NEDD4: variants seen among roughly 807,000 people sequenced by gnomAD.
NEDD4 encodes E3 ubiquitin-protein ligase NEDD4.
In NEDD4, 99 loss-of-function variants were observed where a neutral mutation model predicts 144.9. The ratio of observed to expected loss-of-function variants is 0.68; its 90% CI spans 0.58 to 0.81. The LOEUF (loss-of-function observed/expected upper bound fraction) is 0.81, where lower values mean the gene tolerates loss of function less well. NEDD4 is among the 30% of genes least tolerant of loss of function. NEDD4 has a pLI of 0.00. For missense variants in NEDD4, 985 were observed against 1,065.9 expected (o/e 0.92, Z 1.06); for synonymous variants, 318 against 350.6 (o/e 0.91, Z 1.04).
intron 2 of NEDD4, among the ~76,000 whole-genome samples, chr15:55,956,766 A>C (rs2037345192): frequency 6.6e-6 from 1 of 152,030 alleles, no homozygotes; most frequent in Non-Finnish European, 1.5e-5. Flanking sequence ...TCTTTTTTGA[A>C]ATTGTTTTGG....
At chr15:55,883,281 C>A (rs112100247) in intron 5 of NEDD4, among the ~76,000 whole-genome samples, 1 of 152,066 alleles carries the variant, frequency 6.6e-6, no homozygotes, top group Non-Finnish European at 1.5e-5. Context: ...GCAGGAGTGG[C>A]CACGGAGAGA....
At chr15:55,880,008 G>A (rs1482749917) in intron 5 of NEDD4, among the ~76,000 whole-genome samples, 1 of 152,156 alleles carries the variant, frequency 6.6e-6, no homozygotes, top group African/African-American at 2.4e-5. Context: ...TAAAAGGGCT[G>A]GCTGGGCATG....
intron 1 of NEDD4, among the ~76,000 whole-genome samples, chr15:55,983,507 A>G (rs202028119): frequency 7.5e-6 from 1 of 133,346 alleles, no homozygotes; most frequent in African/African-American, 2.9e-5. Context: ...ATGGGGTTCT[A>G]TTGCCCCACT....
chr15:55,865,014 A>AT (rs1395161000), intron 8 of NEDD4, among the ~76,000 whole-genome samples: 12 of 151,844 alleles, frequency 7.9e-5, no homozygotes, highest in African/African-American at 2.9e-4. Flanking sequence ...CCTGGCCAAC[A>AT]TGGTGAAACC....
chr15:55,884,256 C>T (rs891271986), intron 5 of NEDD4, among the ~76,000 whole-genome samples: 6 of 152,168 alleles, frequency 3.9e-5, no homozygotes, highest in Non-Finnish European at 8.8e-5. Context: ...CATATGGCTG[C>T]AGCAACCAAA....
rs2033421209 is a variant in NEDD4, at chr15:55,840,002, ATATATATATATATATAT to A, written c.2031+428_2031+444del. 4.5e-3 allele frequency among the ~76,000 whole-genome samples: 93 copies of A among 20,792 alleles called. 2 individuals carry two copies. Among genetic ancestry groups the A allele is most frequent in the African/African-American group, 0.012 (72 of 6,026 alleles). 13.6% of individuals were successfully genotyped at this position (20,792 alleles called of 152,430 possible). A position where few individuals can be genotyped will look rare whatever the true frequency, so the allele number is the denominator to read the frequency against. ...AAAAAAAAAAAAAAAAAAAAAAAATATATATATATATATATATATATATATATATATATATATATAAC... is the reference window on the plus strand; with the variant it reads ...AAAAAAAAAAAAAAAAAAAAAAAATAATATATATATATATATATATATAAC... On this transcript the variant is annotated intron_variant, in intron 21 of 28. Coordinates refer to ENST00000435532, the MANE Select transcript of NEDD4 (RefSeq NM_006154.4).
At chr15:55,976,627 ATTTTTT>A (rs1229977936) in intron 1 of NEDD4, among the ~76,000 whole-genome samples, 8 of 120,872 alleles carry the variant, frequency 6.6e-5, no homozygotes, top group African/African-American at 2.5e-4. Flanking sequence ...CTGGGCAAAA[ATTTTTT>A]TTTTTTTTTT....
intron 4 of NEDD4, among the ~76,000 whole-genome samples, chr15:55,949,695 G>A (rs369110317): frequency 8.6e-5 from 13 of 152,016 alleles, no homozygotes; most frequent in Non-Finnish European, 4.4e-5. Flanking sequence ...GCAAACTGTC[G>A]CAGGGACAAA....
At chr15:55,853,761 G>C (rs1408459909) in intron 12 of NEDD4, among the ~76,000 whole-genome samples, 3 of 152,294 alleles carry the variant, frequency 2.0e-5, no homozygotes, top group Admixed American at 2.0e-4. Flanking sequence ...GGCTGAGGTG[G>C]GCGGATCACC....
At chr15:55,834,411 G>C (rs1416105332) in intron 24 of NEDD4, 125 bp from the exon 25 acceptor site, 4 of 629,676 alleles carry the variant, frequency 6.4e-6, no homozygotes, top group South Asian at 1.9e-5. Context: ...ACAATCACGG[G>C]CTCTTCACTG....
intron 5 of NEDD4, among the ~76,000 whole-genome samples, chr15:55,897,914 C>A (rs2035789495): frequency 6.6e-6 from 1 of 152,188 alleles, no homozygotes; most frequent in Non-Finnish European, 1.5e-5. Context: ...GAGCCACACT[C>A]CCATCCTTGG....
At chr15:55,850,992 A>G (rs569337442) in intron 13 of NEDD4, among the ~76,000 whole-genome samples, 1 of 152,306 alleles carries the variant, frequency 6.6e-6, no homozygotes, top group South Asian at 2.1e-4. Context: ...AGTAATTTAT[A>G]ATTTTTCAAC....
At chr15:55,891,588 T>C (rs2035573879) in intron 5 of NEDD4, among the ~76,000 whole-genome samples, 1 of 152,206 alleles carries the variant, frequency 6.6e-6, no homozygotes, top group African/African-American at 2.4e-5. Context: ...TGGTATAATA[T>C]AAGTAATTTA....
At chr15:55,892,302 AAATAAATAAATAAATAAAT>A (rs2035594553) in intron 5 of NEDD4, among the ~76,000 whole-genome samples, 1 of 137,574 alleles carries the variant, frequency 7.3e-6, no homozygotes, top group African/African-American at 2.6e-5. Flanking sequence ...ATAAATAAAT[AAATAAATAAATAAATAAAT>A]AATAAATATG....
intron 2 of NEDD4, among the ~76,000 whole-genome samples, chr15:55,953,435 T>TA (rs761892891): frequency 7.9e-5 from 12 of 151,874 alleles, no homozygotes; most frequent in African/African-American, 1.2e-4. Flanking sequence ...CTTCTTTTTT[T>TA]ATCTTCTTTT....
intron 1 of NEDD4, among the ~76,000 whole-genome samples, chr15:55,988,512 A>T (rs2037935184): frequency 6.7e-6 from 1 of 150,116 alleles, no homozygotes; most frequent in Admixed American, 6.6e-5. Flanking sequence ...AAAAAGAAAA[A>T]CTGAGGAAAT....
intron 2 of NEDD4, among the ~76,000 whole-genome samples, chr15:55,954,157 C>CT (rs1450902185): frequency 6.6e-6 from 1 of 152,058 alleles, no homozygotes; most frequent in Non-Finnish European, 1.5e-5. Context: ...CCAGATACTT[C>CT]TTTTTTTGGC....
chr15:55,942,283 G>C (rs1295012093), intron 4 of NEDD4, among the ~76,000 whole-genome samples: 1 of 152,034 alleles, frequency 6.6e-6, no homozygotes, highest in Non-Finnish European at 1.5e-5. Context: ...GTCTAATTTG[G>C]CTAATGTTAA....
At chr15:55,905,794 T>C (rs1049693323) in intron 5 of NEDD4, among the ~76,000 whole-genome samples, 2 of 152,168 alleles carry the variant, frequency 1.3e-5, no homozygotes, top group African/African-American at 4.8e-5. Flanking sequence ...GATAAGTAGA[T>C]TGCAAAAATT....
Sources: gnomAD v4.1 joint callset for allele counts (sites outside exome capture counted in the v4.1 genomes callset) on GRCh38, gnomAD v4.1.1 for gene constraint, MANE v1.5 for transcripts, NCBI Gene and HGNC (gene_info 2026-07-23, HGNC 2026-07-21) for gene names.